The following RAB19 variants were observed in gnomAD, a reference collection of about 807,000 sequenced individuals.
RAB19 encodes RAB19, member RAS oncogene family, also known as ras-related protein Rab-19.
In RAB19, 21 loss-of-function variants were observed where a neutral mutation model predicts 17.3. That is an observed-to-expected ratio of 1.21 (90% CI 0.86 to 1.74). The LOEUF (loss-of-function observed/expected upper bound fraction) is 1.74, where lower values mean the gene tolerates loss of function less well. Among genes scored for constraint, RAB19 ranks in the 40% most tolerant of loss-of-function variants. RAB19 has a pLI of 0.00. For missense variants in RAB19, 277 were observed against 286.8 expected (o/e 0.97, Z 0.25); for synonymous variants, 126 against 110.4 (o/e 1.14, Z -0.88).
At chr7:140,421,800 T>A (rs567706874) in intron 3 of RAB19, among the ~76,000 whole-genome samples, 1 of 152,094 alleles carries the variant, frequency 6.6e-6, no homozygotes, top group East Asian at 1.9e-4. Flanking sequence ...ATACCCAGCC[T>A]TTTCGTCTCT....
At chr7:140,413,854 C>G (rs186709076) in intron 3 of RAB19, among the ~76,000 whole-genome samples, 3 of 152,142 alleles carry the variant, frequency 2.0e-5, no homozygotes, top group Non-Finnish European at 4.4e-5. Context: ...GCAATGGTGG[C>G]TCCCAGAGAA....
At chr7:140,409,422 C>T (rs975343947) in intron 2 of RAB19, among the ~76,000 whole-genome samples, 3 of 145,486 alleles carry the variant, frequency 2.1e-5, no homozygotes, top group Non-Finnish European at 4.5e-5. Flanking sequence ...CTGCCAGGCA[C>T]GGTGGCTCAT....
At chr7:140,408,044 A>T (rs1178328213) in intron 2 of RAB19, among the ~76,000 whole-genome samples, 197 bp downstream of exon 2, 9 of 142,394 alleles carry the variant, frequency 6.3e-5, no homozygotes, top group South Asian at 2.3e-4. Context: ...CGCCCGGCAA[A>T]TTTTTTTTTT....
rs148741038 is a variant in RAB19 at position 140,426,084 on chromosome 7, C to T, written c.588C>T (p.Leu196=). 1.9e-6 allele frequency: 3 copies of T among 1,614,038 alleles called. No homozygotes were observed. The highest frequency in any genetic ancestry group is 1.7e-5 in the Admixed American group (1 of 59,984). Residue 196 remains leucine, a synonymous_variant, in exon 4 of 4, where the codon CTC becomes CTT. Transcript: ENST00000537763. ...HLYGESALNG[L]PLDSSPVLMA... ...ATGGGGAGAGTGCCCTGAACGGCCT[C>T]CCCCTGGACTCCAGCCCCGTTCTTA...
chr7:140,410,118 A>T (rs1488852973), intron 2 of RAB19, among the ~76,000 whole-genome samples: 1 of 151,300 alleles, frequency 6.6e-6, no homozygotes, highest in Non-Finnish European at 1.5e-5. Context: ...AATCTGGGTG[A>T]TAGGTGTATG....
intron 3 of RAB19, 77 bp downstream of exon 3, chr7:140,412,134 C>A: frequency 1.4e-6 from 2 of 1,397,482 alleles, no homozygotes; most frequent in Non-Finnish European, 2.0e-6. Flanking sequence ...TTTCTAATGA[C>A]AGTGGAAAAT....
At chr7:140,417,418 A>AT (rs1288100756) in intron 3 of RAB19, among the ~76,000 whole-genome samples, 3 of 151,222 alleles carry the variant, frequency 2.0e-5, no homozygotes. Flanking sequence ...AAAAAAAAAA[A>AT]ATCAAATCCA....
intron 3 of RAB19, among the ~76,000 whole-genome samples, chr7:140,424,099 C>A (rs1280155529): frequency 6.6e-6 from 1 of 151,788 alleles, no homozygotes; most frequent in Non-Finnish European, 1.5e-5. Flanking sequence ...AGGTGATCCA[C>A]CCGCCTCGGC....
chr7:140,412,367 G>C (rs566160024), intron 3 of RAB19, among the ~76,000 whole-genome samples: 4 of 152,138 alleles, frequency 2.6e-5, no homozygotes, highest in Non-Finnish European at 5.9e-5. Context: ...CAGGAGAATC[G>C]CTTGAACCCA....
Position 140,426,657 on chromosome 7 carries a change from A to T in RAB19, c.*507A>T, listed in dbSNP as rs1318932143. Among the ~76,000 whole-genome samples, 1 of 152,092 alleles carries T rather than the reference A, an allele frequency of 6.6e-6. No homozygotes were observed. Among genetic ancestry groups the T allele is most frequent in the Non-Finnish European group, 1.5e-5 (1 of 68,012 alleles). On this transcript the variant is annotated 3_prime_UTR_variant, in exon 4 of 4. Coordinates refer to ENST00000537763, the MANE Select transcript of RAB19 (RefSeq NM_001008749.3). ...ATGCTGCTATCATTTTGTTCCTGAC[A>T]TTCACACCTCAGGTCTTCACTTTGG...
intron 3 of RAB19, 124 bp from the exon 4 acceptor site, chr7:140,425,758 A>G (rs370473100): frequency 1.6e-5 from 17 of 1,056,106 alleles, no homozygotes; most frequent in African/African-American, 6.4e-5. Context: ...TGTGCCCTCA[A>G]TGACCATTTG....
rs150015036 is a variant in RAB19, at chr7:140,412,866, C to A, written c.385+809C>A. 5.7e-3 allele frequency among the ~76,000 whole-genome samples: 863 copies of A among 151,860 alleles called. 9 individuals are homozygous for A. Among genetic ancestry groups the A allele is most frequent in the Non-Finnish European group, 7.9e-3 (537 of 67,966 alleles). On this transcript the variant is annotated intron_variant, in intron 3 of 3. Transcript: ENST00000537763. ...ATAGATGGGGCGTGGTGGTTCATGCCTGTAATCCCAGCACTTTGGAGGGCG... is the reference window on the plus strand; with the variant it reads ...ATAGATGGGGCGTGGTGGTTCATGCATGTAATCCCAGCACTTTGGAGGGCG...
chr7:140,418,087 T>C (rs1585427035), intron 3 of RAB19, among the ~76,000 whole-genome samples: 1 of 152,156 alleles, frequency 6.6e-6, no homozygotes, highest in East Asian at 1.9e-4. Flanking sequence ...TAAACTTCTT[T>C]GGGGATCATT....
chr7:140,411,190 G>C, intron 2 of RAB19: 1 of 1,178,078 alleles, frequency 8.5e-7, no homozygotes, highest in Non-Finnish European at 1.2e-6. Context: ...ACAAGGTCAG[G>C]AGATCGAGAC....
chr7:140,426,405 A>C lies in RAB19; in HGVS notation c.*255A>C, dbSNP rs1163640928. 6.6e-6 allele frequency among the ~76,000 whole-genome samples: 1 copy of C among 152,186 alleles called. No individual in the cohort carries two copies. Among genetic ancestry groups the C allele is most frequent in the Admixed American group, 6.6e-5 (1 of 15,264 alleles). On this transcript the variant is annotated 3_prime_UTR_variant, in exon 4 of 4. Coordinates refer to ENST00000537763, the MANE Select transcript of RAB19 (RefSeq NM_001008749.3). The stretch of plus-strand genomic sequence containing the variant: ...CCTGGAGAAGGCAGGACTTCAGGCT[A>C]GGAGAGGGAGGACGAAGTGTACTCT...
intron 2 of RAB19, among the ~76,000 whole-genome samples, chr7:140,409,827 A>T (rs1433069881): frequency 6.6e-6 from 1 of 151,862 alleles, no homozygotes; most frequent in Non-Finnish European, 1.5e-5. Context: ...CCCCGTCTCT[A>T]CTAAAAATAC....
intron 3 of RAB19, among the ~76,000 whole-genome samples, chr7:140,418,017 C>G (rs917040916): frequency 1.3e-5 from 2 of 152,124 alleles, no homozygotes; most frequent in Non-Finnish European, 2.9e-5. Context: ...CATGGGCCCC[C>G]GTTCCTAGCC....
chr7:140,417,312 A>G (rs1799478538), intron 3 of RAB19, among the ~76,000 whole-genome samples: 1 of 151,258 alleles, frequency 6.6e-6, no homozygotes, highest in Admixed American at 6.6e-5. Context: ...TGAGGTGGGC[A>G]CATTGCTTGA....
At chr7:140,411,518 A>T (rs902024026) in intron 2 of RAB19, among the ~76,000 whole-genome samples, 8 of 150,164 alleles carry the variant, frequency 5.3e-5, no homozygotes, top group African/African-American at 1.7e-4. Context: ...TTACACTAAC[A>T]CTAATGATAC....
Sources: allele counts gnomAD v4.1 joint callset (sites outside exome capture counted in the v4.1 genomes callset), GRCh38; gene constraint gnomAD v4.1.1; transcripts MANE v1.5; gene names NCBI Gene and HGNC (gene_info 2026-07-23, HGNC 2026-07-21).